UBN1: variants seen among roughly 807,000 people sequenced by gnomAD.
UBN1 encodes ubinuclein 1.
A neutral mutation model predicts 108.5 loss-of-function variants in UBN1; 17 were observed. That is an observed-to-expected ratio of 0.16 (90% CI 0.11 to 0.24). The LOEUF is 0.24. Among genes scored for constraint, UBN1 ranks in the 10% least tolerant of loss-of-function variants. The probability of loss-of-function intolerance (pLI) is 1.00; values close to 1 mark genes in which losing one functional copy is unlikely to be tolerated. For synonymous variants in UBN1, 726 were observed against 564.2 expected (o/e 1.29, Z -4.07); for missense variants, 1,595 against 1,394.4 (o/e 1.14, Z -2.29).
In UBN1 at chr16:4,874,701, C is replaced by T; in HGVS notation, c.2291C>T (p.Ser764Phe). Reference protein sequence around the residue: ...KPESSGYKELSCQAPLNKGLP... With the variant: ...KPESSGYKELFCQAPLNKGLP... Reference sequence around the variant, plus strand: ...GAGAGTTCTGGCTACAAAGAGCTGTCCTGCCAGGCTCCCCTCAATAAGGGC... The same window carrying T: ...GAGAGTTCTGGCTACAAAGAGCTGTTCTGCCAGGCTCCCCTCAATAAGGGC... Residue 764 changes from serine (S) to phenylalanine (F), a missense_variant, in exon 15 of 18, where the codon TCC (serine) becomes TTC (phenylalanine). Coordinates refer to ENST00000262376, the MANE Select transcript of UBN1 (RefSeq NM_001079514.3). The T allele has an allele frequency of 1.9e-6, 3 of 1,614,166 alleles. No homozygotes were observed. Among genetic ancestry groups the T allele is most frequent in the South Asian group, 1.1e-5 (1 of 91,078 alleles).
chr16:4,848,957 C>T (rs185800803), intron 1 of UBN1, among the ~76,000 whole-genome samples: 2 of 152,064 alleles, frequency 1.3e-5, no homozygotes, highest in Admixed American at 1.3e-4. Context: ...CAAAATTAGC[C>T]GGGCGTGGTG....
intron 7 of UBN1, among the ~76,000 whole-genome samples, chr16:4,864,706 T>A (rs1432736803): frequency 6.6e-6 from 1 of 152,198 alleles, no homozygotes; most frequent in Non-Finnish European, 1.5e-5. Flanking sequence ...AACCCAGATC[T>A]ATTTTGGTTC....
intron 4 of UBN1, 47 bp downstream of exon 4, chr16:4,858,710 C>A: frequency 6.3e-7 from 1 of 1,579,160 alleles, no homozygotes; most frequent in Non-Finnish European, 8.7e-7. Flanking sequence ...GTACCTGTAG[C>A]TCCTCCTGAT....
chr16:4,855,606 CAAAAAAAAAAA>C (rs36072146), intron 2 of UBN1, among the ~76,000 whole-genome samples: 1 of 80,244 alleles, frequency 1.2e-5, no homozygotes, highest in East Asian at 4.7e-4. Flanking sequence ...GACCCTGTGT[CAAAAAAAAAAA>C]AAAAAAAAAA....
chr16:4,853,299 A>C (rs1028135951), intron 2 of UBN1, 133 bp downstream of exon 2: 1 of 1,255,920 alleles, frequency 8.0e-7, no homozygotes, highest in Admixed American at 2.7e-5. Context: ...CACTCACTCA[A>C]GGCAAGCACA....
chr16:4,874,222 G>A lies in UBN1; in HGVS notation c.1812G>A (p.Thr604=), dbSNP rs761934997. 6.4e-6 allele frequency: 10 copies of A among 1,558,558 alleles called. No individual in the cohort carries two copies. The highest frequency in any genetic ancestry group is 2.0e-5 in the Admixed American group (1 of 48,986). The change falls in exon 15 of 18, where the codon ACG becomes ACA. Residue 604 remains threonine, a synonymous_variant. Transcript: ENST00000262376. Reference sequence around the variant, plus strand: ...CTGTTTTCCTTTAGGAATCGTCTACGAAGCCTGATAAAAAGGTTTCTGTCC... The same window carrying A: ...CTGTTTTCCTTTAGGAATCGTCTACAAAGCCTGATAAAAAGGTTTCTGTCC... ...PSKIKVKESS[T]KPDKKVSVPS...
intron 2 of UBN1, among the ~76,000 whole-genome samples, chr16:4,857,542 G>A (rs901036258): frequency 3.3e-5 from 5 of 151,672 alleles, no homozygotes; most frequent in East Asian, 3.9e-4. Context: ...ATGGCAGAAC[G>A]GCTCTCAAGA....
Position 4,860,725 on chromosome 16 carries a change from G to A in UBN1, c.733G>A (p.Val245Ile), listed in dbSNP as rs1220448818. The A allele has an allele frequency of 1.9e-6, 3 of 1,614,210 alleles. No homozygotes were observed. Among genetic ancestry groups the A allele is most frequent in the Admixed American group, 1.7e-5 (1 of 60,030 alleles). ...KKKKYSGALS[V>I]KEMLKKFQKE... ...GAAGAAATATTCTGGGGCTTTAAGCGTTAAAGAGATGCTAAAGAAATTTCA... is the reference window on the plus strand; with the variant it reads ...GAAGAAATATTCTGGGGCTTTAAGCATTAAAGAGATGCTAAAGAAATTTCA... Residue 245 changes from valine to isoleucine, a missense_variant, in exon 7 of 18, where the codon GTT (valine) becomes ATT (isoleucine). Coordinates refer to ENST00000262376, the MANE Select transcript of UBN1 (RefSeq NM_001079514.3).
At chr16:4,875,656 G>C (rs9921493) in intron 15 of UBN1, among the ~76,000 whole-genome samples, 1,546 of 152,306 alleles carry the variant, frequency 0.01, 23 homozygotes, top group African/African-American at 0.036. Context: ...GAGGAGGGCA[G>C]AGGGACCTAA....
intron 2 of UBN1, among the ~76,000 whole-genome samples, chr16:4,855,658 C>G (rs2086774377): frequency 6.6e-6 from 1 of 150,678 alleles, no homozygotes; most frequent in Non-Finnish European, 1.5e-5. Flanking sequence ...GTGACTCATG[C>G]CTGTAATCCC....
At chr16:4,858,392 T>C (rs2086905487) in intron 3 of UBN1, among the ~76,000 whole-genome samples, 176 bp from the exon 4 acceptor site, 1 of 152,210 alleles carries the variant, frequency 6.6e-6, no homozygotes, top group South Asian at 2.1e-4. Flanking sequence ...GGTACAAATA[T>C]GTTCTATGTT....
Position 4,877,616 on chromosome 16 carries a change from T to C in UBN1, c.3355+142T>C. The C allele has an allele frequency of 1.2e-5, 17 of 1,402,268 alleles. No homozygotes were observed. Among genetic ancestry groups the C allele is most frequent in the Non-Finnish European group, 1.6e-5 (17 of 1,081,782 alleles). The allele number at this position is 1,402,268 out of a possible 1,614,324, so 86.9% of individuals were successfully genotyped here. ...TGGTTTGTCCTTTGAGGCTGTGCTT[T>C]GTCAGTACTCAGGGTGACACGCACT... On this transcript the variant is annotated intron_variant, in intron 17 of 17. Coordinates refer to ENST00000262376, the MANE Select transcript of UBN1 (RefSeq NM_001079514.3). This position sits in a 1 kb window ranked among gnomAD's most constrained non-coding sequence, Gnocchi z 4.3.
Position 4,877,066 on chromosome 16 carries a change from G to T in UBN1, c.3220G>T (p.Val1074Phe), listed in dbSNP as rs191007074. The T allele has an allele frequency of 3.1e-6, 5 of 1,614,048 alleles. No homozygotes were observed. The highest frequency in any genetic ancestry group is 4.2e-6 in the Non-Finnish European group (5 of 1,179,970). ...AKAGVSKDAI[V>F]TGPAPGSFHH... The stretch of plus-strand genomic sequence containing the variant: ...AGCAGGGGTCTCCAAGGATGCCATC[G>T]TCACAGGCCCTGCCCCCGGGTCCTT... The change falls in exon 16 of 18, where the codon GTC becomes TTC. Residue 1074 changes from valine to phenylalanine, a missense_variant. Transcript: ENST00000262376. The surrounding 1 kb of genome is among the most constrained non-coding windows in gnomAD (Gnocchi z 4.3).
In UBN1 at chr16:4,877,149, C is replaced by T. The variant is rs1209759869; in HGVS notation, c.3265+38C>T. On this transcript the variant is annotated intron_variant, in intron 16 of 17. Transcript: ENST00000262376. This position sits in a 1 kb window ranked among gnomAD's most constrained non-coding sequence, Gnocchi z 4.3. ...TTGCTGCCTCTGGTCACTCAGGAAC[C>T]TCTAGATTGTGGCCAGGGGTCCTGC... is the stretch of plus-strand genomic sequence containing the variant. 2 of 1,565,732 alleles carry T rather than the reference C, an allele frequency of 1.3e-6. No homozygotes were observed. The highest frequency in any genetic ancestry group is 2.2e-5 in the East Asian group (1 of 44,564).
intron 15 of UBN1, among the ~76,000 whole-genome samples, chr16:4,875,886 A>G (rs112707218): frequency 3.8e-3 from 577 of 152,280 alleles, no homozygotes; most frequent in African/African-American, 9.8e-3. Context: ...ACAGAGTCCA[A>G]TAATTAATGC....
rs1004110720 is a variant in UBN1 at position 4,874,983 on chromosome 16, C to T, written c.2573C>T (p.Ala858Val). 1.9e-6 allele frequency: 3 copies of T among 1,614,150 alleles called. No homozygotes were observed. The highest frequency in any genetic ancestry group is 1.7e-6 in the Non-Finnish European group (2 of 1,180,056). ...AAAGGCCAGGGCTTCCATCCCTCTG[C>T]ACCAGCCACCTCAGGAGGCCTGTCA... ...AAKGQGFHPS[A>V]PATSGGLSAS... The change falls in exon 15 of 18, where the codon GCA (alanine) becomes GTA (valine). Residue 858 changes from alanine to valine, a missense_variant. Physicochemically the swap from Ala to Val is moderately conservative, Grantham distance 64. Around this residue, in one of 3 missense-constraint regions of UBN1, gnomAD observed 1,398 missense variants for 1,194.7 expected, o/e 1.17. Transcript: ENST00000262376.
chr16:4,874,159 A>G (rs12445265), intron 14 of UBN1, 52 bp from the exon 15 acceptor site: 217,016 of 1,503,730 alleles, frequency 0.14, 17,099 homozygotes, highest in South Asian at 0.26. Flanking sequence ...CAACAGGCCA[A>G]TGTTGGCATC....
rs1469094246 is a variant in UBN1 at position 4,874,870 on chromosome 16, A to G, written c.2460A>G (p.Pro820=). ...AGCAGCAGAAAAACTTCACGCCCCC[A>G]TCTCCATTTGCCAATAAGCTCCAAG... The part of the protein sequence containing the change: ...GTQQQKNFTP[P]SPFANKLQGP... The change falls in exon 15 of 18, where the codon CCA becomes CCG. Residue 820 remains proline (P), a synonymous_variant. Transcript: ENST00000262376. 2 of 1,613,902 alleles carry G rather than the reference A, an allele frequency of 1.2e-6. No individual in the cohort carries two copies. Among genetic ancestry groups the G allele is most frequent in the Admixed American group, 1.7e-5 (1 of 60,002 alleles).
intron 2 of UBN1, among the ~76,000 whole-genome samples, chr16:4,856,443 C>A (rs531171027): frequency 6.6e-6 from 1 of 152,304 alleles, no homozygotes; most frequent in East Asian, 1.9e-4. Context: ...GTGCTAGACT[C>A]AGAGGACTAT....
Sources: allele counts gnomAD v4.1 joint callset (sites outside exome capture counted in the v4.1 genomes callset), GRCh38; gene constraint gnomAD v4.1.1; regional missense constraint gnomAD v4.1.1; non-coding constraint Gnocchi (gnomAD v3.1); transcripts MANE v1.5; gene names NCBI Gene and HGNC (gene_info 2026-07-23, HGNC 2026-07-21).